Variants in MAK16 observed in about 807,000 individuals in gnomAD.
MAK16 encodes protein MAK16 homolog.
A neutral mutation model predicts 49.9 loss-of-function variants in MAK16; 12 were observed. The ratio of observed to expected loss-of-function variants is 0.24; its 90% CI spans 0.15 to 0.39. The LOEUF is 0.39. Among genes scored for constraint, MAK16 ranks in the 10% least tolerant of loss-of-function variants. MAK16 has a pLI of 1.00. For synonymous variants in MAK16, 115 were observed against 126.4 expected (o/e 0.91, Z 0.60); for missense variants, 292 against 363.7 (o/e 0.80, Z 1.60).
At position 33,499,473 on chromosome 8, in the gene MAK16, G is replaced by A. The variant is rs977222905; in HGVS notation, c.*844G>A. The A allele has an allele frequency of 7.7e-6, 4 of 518,842 alleles. No individual in the cohort carries two copies. Among genetic ancestry groups the A allele is most frequent in the African/African-American group, 5.8e-5 (3 of 51,786 alleles). 32.1% of individuals were successfully genotyped at this position (518,842 alleles called of 1,614,324 possible). On this transcript the variant is annotated 3_prime_UTR_variant, in exon 10 of 10. Transcript: ENST00000360128. ...TTTATATAGCTCTCATGTATTGAAG[G>A]TGCTACTTTAAAAACTGTGTTAATG...
chr8:33,498,041 A>G (rs1332650720), intron 9 of MAK16, among the ~76,000 whole-genome samples: 1 of 151,038 alleles, frequency 6.6e-6, no homozygotes, highest in African/African-American at 2.4e-5. Context: ...GGTTGCAGTG[A>G]GCTGAGAGCG....
At position 33,488,813 on chromosome 8, in the gene MAK16, A is replaced by G; in HGVS notation, c.240+15A>G. ...TCTGGGAACGGGTAAGCCTTACAACAAAACTACAGTGACCGCTGATCAAGA... is the reference window on the plus strand; with the variant it reads ...TCTGGGAACGGGTAAGCCTTACAACGAAACTACAGTGACCGCTGATCAAGA... On this transcript the variant is annotated intron_variant, in intron 4 of 9. Transcript: ENST00000360128. 1 of 1,613,948 alleles carries G rather than the reference A, an allele frequency of 6.2e-7. No individual in the cohort carries two copies. The highest frequency in any genetic ancestry group is 8.5e-7 in the Non-Finnish European group (1 of 1,179,828).
rs1263026210 is a variant in MAK16 at position 33,496,609 on chromosome 8, T to C, written c.523-16T>C. ...TCCAAATGTAGTTAAAGCCAATCTGTGTTTATGTTCTTCAGTATGGCGACA... is the reference window on the plus strand; with the variant it reads ...TCCAAATGTAGTTAAAGCCAATCTGCGTTTATGTTCTTCAGTATGGCGACA... On this transcript the variant is annotated splice_polypyrimidine_tract_variant and intron_variant, in intron 7 of 9. Coordinates refer to ENST00000360128, the MANE Select transcript of MAK16 (RefSeq NM_032509.4). 6.3e-7 allele frequency: 1 copy of C among 1,593,968 alleles called. No individual in the cohort carries two copies. Among genetic ancestry groups the C allele is most frequent in the Non-Finnish European group, 8.6e-7 (1 of 1,163,458 alleles).
chr8:33,498,096 CA>C (rs71209938), intron 9 of MAK16, among the ~76,000 whole-genome samples: 163 of 122,454 alleles, frequency 1.3e-3, no homozygotes, highest in African/African-American at 3.4e-3. Flanking sequence ...ACTCCGTCTC[CA>C]AAAAAAAAAA....
At position 33,491,366 on chromosome 8, in the gene MAK16, A is replaced by G. The variant is rs148674051; in HGVS notation, c.447+1027A>G. Among the ~76,000 whole-genome samples, 1,042 of 152,288 alleles carry G rather than the reference A, an allele frequency of 6.8e-3. 18 individuals are homozygous for G. Among genetic ancestry groups the G allele is most frequent in the African/African-American group, 0.024 (996 of 41,574 alleles). ...TTGAGGAAGCTCCAAACTGTTCTCC[A>G]TAGTGGTTGTACTAATTTACATTCC... is the stretch of plus-strand genomic sequence containing the variant. On this transcript the variant is annotated intron_variant, in intron 6 of 9. Transcript: ENST00000360128.
intron 1 of MAK16, among the ~76,000 whole-genome samples, chr8:33,486,882 C>T (rs1808695769): frequency 6.6e-6 from 1 of 152,126 alleles, no homozygotes; most frequent in Non-Finnish European, 1.5e-5. Flanking sequence ...ATCTGGTGCT[C>T]AGGAAAGAAG....
Position 33,498,952 on chromosome 8 carries a change from T to G in MAK16, c.*323T>G, listed in dbSNP as rs927174324. On this transcript the variant is annotated 3_prime_UTR_variant, in exon 10 of 10. Coordinates refer to ENST00000360128, the MANE Select transcript of MAK16 (RefSeq NM_032509.4). ...AAATTTTAAATGCTACATTACTTGG[T>G]GTCCTTTTTTCTCCCAAACTTTATT... 1.7e-6 allele frequency: 1 copy of G among 590,738 alleles called. No individual in the cohort carries two copies. Among genetic ancestry groups the G allele is most frequent in the Non-Finnish European group, 3.0e-6 (1 of 335,464 alleles). The allele number at this position is 590,738 out of a possible 1,614,324, so 36.6% of individuals were successfully genotyped here.
At position 33,490,344 on chromosome 8, in the gene MAK16, C is replaced by T; in HGVS notation, c.447+5C>T. The T allele has an allele frequency of 6.2e-7, 1 of 1,611,468 alleles. No individual in the cohort carries two copies. The highest frequency in any genetic ancestry group is 1.3e-5 in the African/African-American group (1 of 74,962). On this transcript the variant is annotated splice_donor_5th_base_variant and intron_variant, in intron 6 of 9. Coordinates refer to ENST00000360128, the MANE Select transcript of MAK16 (RefSeq NM_032509.4). ...CGTAGGGAGAAAAGAAGAGAGGTAACTTATTGTTGAGATATTCATACCTTC... is the reference window on the plus strand; with the variant it reads ...CGTAGGGAGAAAAGAAGAGAGGTAATTTATTGTTGAGATATTCATACCTTC...
chr8:33,485,233 C>T lies in MAK16; in HGVS notation c.15+12C>T, dbSNP rs1808666873. ...TGCAGTCGGATGATGTGAGTCTCCT[C>T]CGGTTGTTCTTACACCCGGGGTTTG... On this transcript the variant is annotated intron_variant, in intron 1 of 9. Transcript: ENST00000360128. 3.1e-6 allele frequency: 5 copies of T among 1,614,074 alleles called. No individual in the cohort carries two copies. Among genetic ancestry groups the T allele is most frequent in the African/African-American group, 1.3e-5 (1 of 74,934 alleles).
Position 33,495,527 on chromosome 8 carries a change from C to G in MAK16, c.448-15C>G, listed in dbSNP as rs757848353. 2.5e-6 allele frequency: 4 copies of G among 1,610,042 alleles called. No individual in the cohort carries two copies. Among genetic ancestry groups the G allele is most frequent in the East Asian group, 2.2e-5 (1 of 44,826 alleles). ...CACTGATGAATTAAACAGATTTGCT[C>G]TTTCCCCCTTATAGGAAAAGGCATT... On this transcript the variant is annotated splice_polypyrimidine_tract_variant and intron_variant, in intron 6 of 9. Coordinates refer to ENST00000360128, the MANE Select transcript of MAK16 (RefSeq NM_032509.4).
Position 33,499,085 on chromosome 8 carries a change from T to TA in MAK16, c.*461dup. On this transcript the variant is annotated 3_prime_UTR_variant, in exon 10 of 10. Transcript: ENST00000360128. ...CAGCTTTCACTTACAAAGTTTCGTG[T>TA]AAAAATATCTTTTTTTCTTAAATAA... 8.6e-7 allele frequency: 1 copy of TA among 1,156,910 alleles called. No individual in the cohort carries two copies. The highest frequency in any genetic ancestry group is 1.3e-6 in the Non-Finnish European group (1 of 778,618). 71.7% of individuals were successfully genotyped at this position (1,156,910 alleles called of 1,614,324 possible).
At chr8:33,498,263 C>A (rs1808914269) in intron 9 of MAK16, among the ~76,000 whole-genome samples, 169 bp from the exon 10 acceptor site, 1 of 127,016 alleles carries the variant, frequency 7.9e-6, no homozygotes, top group African/African-American at 3.2e-5. Context: ...CAGAGCAAGA[C>A]CCCGTCTCAA....
intron 9 of MAK16, 139 bp from the exon 10 acceptor site, chr8:33,498,291 AAT>A: frequency 6.8e-6 from 5 of 732,814 alleles, no homozygotes; most frequent in Admixed American, 3.4e-5. Context: ...AAAAAAAAAA[AAT>A]TAAAGAAAGG....
rs368790113 is a variant in MAK16, at chr8:33,499,998, CT to C, written c.*1380del. 5,388 of 168,890 alleles carry C rather than the reference CT, an allele frequency of 0.032. 69 individuals carry two copies. The highest frequency in any genetic ancestry group is 0.085 in the East Asian group (533 of 6,274). The allele number at this position is 168,890 out of a possible 1,614,324, so 10.5% of individuals were successfully genotyped here. A position where few individuals can be genotyped will look rare whatever the true frequency, so the allele number is the denominator to read the frequency against. ...GGGAGCTTATAGCCCATTATTTTTA[CT>C]TTTTTTTTTTAATTCAGAAGACTAG... On this transcript the variant is annotated 3_prime_UTR_variant, in exon 10 of 10. Coordinates refer to ENST00000360128, the MANE Select transcript of MAK16 (RefSeq NM_032509.4).
rs1808749288 is a variant in MAK16, at chr8:33,489,828, C to T, written c.393-457C>T. ...AGTGATATGAAATCCCCAGAATTAA[C>T]AGAATACCTTCTCTAGGACTGTTAG... On this transcript the variant is annotated intron_variant, in intron 5 of 9. Transcript: ENST00000360128. This position sits in a 1 kb window ranked among gnomAD's most constrained non-coding sequence, Gnocchi z 4.2. 6.6e-6 allele frequency among the ~76,000 whole-genome samples: 1 copy of T among 152,186 alleles called. No individual in the cohort carries two copies. The highest frequency in any genetic ancestry group is 2.4e-5 in the African/African-American group (1 of 41,448).
In MAK16 at chr8:33,496,692, G is replaced by C; in HGVS notation, c.590G>C (p.Ser197Thr). 1 of 1,613,422 alleles carries C rather than the reference G, an allele frequency of 6.2e-7. No homozygotes were observed. The highest frequency in any genetic ancestry group is 1.7e-5 in the Admixed American group (1 of 59,928). ...GCCCTGGAACAACAGGAGGCAGAGA[G>C]TGACTCTTCAGATACTGAGGAAAAA... ...DKALEQQEAE[S>T]DSSDTEEKDD... The change falls in exon 8 of 10, where the codon AGT (serine) becomes ACT (threonine). Residue 197 changes from serine to threonine, a missense_variant. Coordinates refer to ENST00000360128, the MANE Select transcript of MAK16 (RefSeq NM_032509.4).
At chr8:33,493,194 C>T (rs1808804278) in intron 6 of MAK16, among the ~76,000 whole-genome samples, 1 of 152,154 alleles carries the variant, frequency 6.6e-6, no homozygotes, top group African/African-American at 2.4e-5. Context: ...CATTCTGTTT[C>T]TCAGGCTGGA....
chr8:33,499,374 G>T lies in MAK16; in HGVS notation c.*745G>T. 1 of 868,312 alleles carries T rather than the reference G, an allele frequency of 1.2e-6. No individual in the cohort carries two copies. Among genetic ancestry groups the T allele is most frequent in the Non-Finnish European group, 1.9e-6 (1 of 526,364 alleles). 53.8% of individuals were successfully genotyped at this position (868,312 alleles called of 1,614,324 possible). A position where few individuals can be genotyped will look rare whatever the true frequency, so the allele number is the denominator to read the frequency against. On this transcript the variant is annotated 3_prime_UTR_variant, in exon 10 of 10. Coordinates refer to ENST00000360128, the MANE Select transcript of MAK16 (RefSeq NM_032509.4). ...CTTCCTTGGTATCATATTCAAAGGA[G>T]GAAAGAATGGATGACACTTAGGGAC...
At chr8:33,490,212 T>G in intron 5 of MAK16, 73 bp from the exon 6 acceptor site, 1 of 1,309,848 alleles carries the variant, frequency 7.6e-7, no homozygotes, top group Non-Finnish European at 1.1e-6. Context: ...ATTCCAATCC[T>G]TTTTTCTTCT....
Sources: allele counts gnomAD v4.1 joint callset (sites outside exome capture counted in the v4.1 genomes callset), GRCh38; gene constraint gnomAD v4.1.1; non-coding constraint Gnocchi (gnomAD v3.1); transcripts MANE v1.5; gene names NCBI Gene and HGNC (gene_info 2026-07-23, HGNC 2026-07-21).